The following TAFA2 variants were observed in gnomAD, a reference collection of about 807,000 sequenced individuals.
TAFA2 encodes the protein TAFA chemokine like family member 2, also known as chemokine-like protein TAFA-2.
Under a neutral mutation model 18.8 loss-of-function variants are expected in TAFA2, and 7 were observed. The observed-to-expected ratio is 0.37, with a 90% CI of 0.21 to 0.70. TAFA2 has a LOEUF of 0.70. TAFA2 is among the 30% of genes least tolerant of loss of function. The pLI is 0.53. For synonymous variants in TAFA2, 60 were observed against 54.2 expected, an observed-to-expected ratio of 1.11 and a Z score of -0.47; for missense variants, 122 against 158.1, an observed-to-expected ratio of 0.77 and a Z score of 1.23.
chr12:61,751,487 A>AT (rs969901421), intron 4 of TAFA2, among the ~76,000 whole-genome samples: 15 of 152,066 alleles, frequency 9.9e-5, no homozygotes, highest in Admixed American at 6.6e-5. Context: ...ATATATGATG[A>AT]TTTTTCTTTT....
intron 1 of TAFA2, among the ~76,000 whole-genome samples, chr12:62,227,213 C>T (rs1175978057): frequency 2.0e-5 from 3 of 151,996 alleles, no homozygotes; most frequent in Admixed American, 1.3e-4. Context: ...TCCCTCTAAC[C>T]TCTCTTACAC....
chr12:61,754,997 T>G lies in TAFA2; in HGVS notation c.134A>C (p.Glu45Ala). 6.2e-7 allele frequency: 1 copy of G among 1,612,778 alleles called. No homozygotes were observed. The highest frequency in any genetic ancestry group is 8.5e-7 in the Non-Finnish European group (1 of 1,179,286). ...KAHHVKTGTC[E>A]VVALHRCCNK... Reference sequence around the variant, plus strand: ...ACAGCATCTGTGGAGTGCCACCACCTCACAAGTTCCCGTTTTAACATGGTG... The same window carrying G: ...ACAGCATCTGTGGAGTGCCACCACCGCACAAGTTCCCGTTTTAACATGGTG... Residue 45 changes from glutamate (E) to alanine (A), a missense_variant, in exon 3 of 5, where the codon GAG becomes GCG. This residue lies in a region of TAFA2 where 62 missense variants were observed against 55.5 expected (regional missense o/e 1.12). Coordinates refer to ENST00000416284, the MANE Select transcript of TAFA2 (RefSeq NM_178539.5).
intron 1 of TAFA2, among the ~76,000 whole-genome samples, chr12:62,080,769 A>G (rs1031154426): frequency 6.6e-6 from 1 of 152,222 alleles, no homozygotes; most frequent in African/African-American, 2.4e-5. Flanking sequence ...AAAATTTACA[A>G]GGTGACGGAA....
At chr12:62,057,028 C>T (rs1052159684) in intron 1 of TAFA2, among the ~76,000 whole-genome samples, 1 of 152,080 alleles carries the variant, frequency 6.6e-6, no homozygotes, top group African/African-American at 2.4e-5. Flanking sequence ...ATTGCTATTC[C>T]CTGGAAACCT....
chr12:61,731,822 A>G (rs1870464821), intron 4 of TAFA2, among the ~76,000 whole-genome samples: 1 of 152,116 alleles, frequency 6.6e-6, no homozygotes, highest in Non-Finnish European at 1.5e-5. Flanking sequence ...TCTGGGGAAA[A>G]GATTCTTAGT....
intron 1 of TAFA2, among the ~76,000 whole-genome samples, chr12:61,948,230 C>T (rs1157711451): frequency 6.6e-6 from 1 of 152,172 alleles, no homozygotes; most frequent in Non-Finnish European, 1.5e-5. Flanking sequence ...ATGGGTTCTA[C>T]TATTATTGCC....
chr12:62,163,914 GAAGT>G (rs1292464466), intron 1 of TAFA2, among the ~76,000 whole-genome samples: 1 of 152,036 alleles, frequency 6.6e-6, no homozygotes, highest in Non-Finnish European at 1.5e-5. Context: ...GAGATGGGGA[GAAGT>G]AAGAAAAAAA....
intron 1 of TAFA2, among the ~76,000 whole-genome samples, chr12:61,986,155 C>CTTTT (rs1879806523): frequency 9.3e-6 from 1 of 107,876 alleles, no homozygotes; most frequent in Non-Finnish European, 1.9e-5. Flanking sequence ...AATCTAAGCT[C>CTTTT]TTCTTTTTTT....
chr12:62,233,963 G>A (rs1284771233), intron 1 of TAFA2, among the ~76,000 whole-genome samples: 1 of 152,178 alleles, frequency 6.6e-6, no homozygotes, highest in African/African-American at 2.4e-5. Context: ...AGATAAGCTT[G>A]AGCCTGTAGA....
chr12:61,783,168 A>G (rs1870579556), intron 2 of TAFA2, among the ~76,000 whole-genome samples: 1 of 151,806 alleles, frequency 6.6e-6, no homozygotes, highest in South Asian at 2.1e-4. Flanking sequence ...AGCCCCAGGC[A>G]AGAAAGTTTA....
In TAFA2 at chr12:61,882,043, TA is replaced by T. The variant is rs1875168228; in HGVS notation, c.-1-14618del. On this transcript the variant is annotated intron_variant, in intron 1 of 4. Coordinates refer to ENST00000416284, the MANE Select transcript of TAFA2 (RefSeq NM_178539.5). ...CCTATGGACTTCAAATGAGTGCCAT[TA>T]TATGAAATAACTGTGCTTATAAGAG... Among the ~76,000 whole-genome samples the T allele has an allele frequency of 2.0e-5, 3 of 152,190 alleles. No individual in the cohort carries two copies. In the South Asian group the frequency reaches 6.2e-4, roughly 32 times the overall value.
intron 1 of TAFA2, among the ~76,000 whole-genome samples, chr12:61,992,016 C>T (rs1045315453): frequency 2.0e-5 from 3 of 152,178 alleles, no homozygotes; most frequent in East Asian, 3.9e-4. Context: ...GCCCTCTAAA[C>T]GTTCATATAA....
intron 1 of TAFA2, among the ~76,000 whole-genome samples, chr12:61,960,843 T>C (rs1465055510): frequency 6.6e-6 from 1 of 151,826 alleles, no homozygotes; most frequent in Non-Finnish European, 1.5e-5. Context: ...ATTTATAACA[T>C]CTCATAAGCT....
upstream of TAFA2, among the ~76,000 whole-genome samples, chr12:62,195,705 C>G (rs1346266748): frequency 6.6e-6 from 1 of 152,176 alleles, no homozygotes; most frequent in Non-Finnish European, 1.5e-5. Context: ...ATAAAATATG[C>G]TGTAAACAAA....
At chr12:61,822,255 G>C (rs11174187) in intron 2 of TAFA2, among the ~76,000 whole-genome samples, 3 of 151,986 alleles carry the variant, frequency 2.0e-5, no homozygotes, top group African/African-American at 4.8e-5. Context: ...GTTCTCTCAC[G>C]TCTAAATCTT....
At chr12:62,091,073 T>C (rs1441746512) in intron 1 of TAFA2, among the ~76,000 whole-genome samples, 1 of 152,068 alleles carries the variant, frequency 6.6e-6, no homozygotes, top group Non-Finnish European at 1.5e-5. Flanking sequence ...GCTTCATATG[T>C]AGCAAGCATT....
intron 4 of TAFA2, among the ~76,000 whole-genome samples, chr12:61,745,304 C>T (rs1169343922): frequency 6.6e-6 from 1 of 152,096 alleles, no homozygotes; most frequent in African/African-American, 2.4e-5. Context: ...TCAGTTGTGA[C>T]ATTACTCATG....
intron 1 of TAFA2, among the ~76,000 whole-genome samples, chr12:62,138,692 A>G (rs1245040247): frequency 2.0e-5 from 3 of 152,194 alleles, no homozygotes; most frequent in Non-Finnish European, 4.4e-5. Context: ...ACTGCACGCC[A>G]ATTAAATGCA....
chr12:61,730,046 A>G (rs1870367934), intron 4 of TAFA2, among the ~76,000 whole-genome samples: 2 of 152,218 alleles, frequency 1.3e-5, no homozygotes, highest in African/African-American at 4.8e-5. Flanking sequence ...AGTATTGGAT[A>G]GTGTCTGCAA....
Sources: gnomAD v4.1 joint callset for allele counts (sites outside exome capture counted in the v4.1 genomes callset) on GRCh38, gnomAD v4.1.1 for gene constraint, gnomAD v4.1.1 regional missense constraint, MANE v1.5 for transcripts, NCBI Gene and HGNC (gene_info 2026-07-23, HGNC 2026-07-21) for gene names.